TBC1D22A: variants seen among roughly 807,000 people sequenced by gnomAD.
TBC1D22A encodes the protein putative GTPase activator.
TBC1D22A carries 38 observed loss-of-function variants against 60.2 expected under a neutral mutation model. That is an observed-to-expected ratio of 0.63 (90% CI 0.49 to 0.83). TBC1D22A has a LOEUF of 0.83. TBC1D22A is among the 40% of genes least tolerant of loss of function. The pLI, the probability that TBC1D22A is intolerant of heterozygous loss-of-function variation, is 0.00. For synonymous variants in TBC1D22A, 302 were observed against 281.7 expected, an observed-to-expected ratio of 1.07 and a Z score of -0.72; for missense variants, 628 against 701.0, an observed-to-expected ratio of 0.90 and a Z score of 1.18.
chr22:46,920,056 T>TA (rs61175295), intron 8 of TBC1D22A, among the ~76,000 whole-genome samples: 18,348 of 128,774 alleles, frequency 0.14, 2,492 homozygotes, highest in African/African-American at 0.38. Flanking sequence ...TATGTGTTTG[T>TA]TTGTATGTAT....
intron 11 of TBC1D22A, among the ~76,000 whole-genome samples, chr22:47,075,084 A>G (rs1218693609): frequency 2.0e-5 from 3 of 152,104 alleles, no homozygotes; most frequent in Non-Finnish European, 4.4e-5. Flanking sequence ...TTAGCCACGC[A>G]TGTTGGCGGG....
intron 4 of TBC1D22A, among the ~76,000 whole-genome samples, chr22:46,815,167 T>A (rs187973881): frequency 1.3e-5 from 2 of 152,250 alleles, no homozygotes; most frequent in African/African-American, 4.8e-5. Context: ...ATTACTAACC[T>A]GTGAGACACA....
intron 1 of TBC1D22A, among the ~76,000 whole-genome samples, chr22:46,769,467 G>GGT (rs1303160650): frequency 1.3e-5 from 2 of 152,266 alleles, no homozygotes; most frequent in Non-Finnish European, 2.9e-5. Flanking sequence ...GTGCTGGGCA[G>GGT]GTGGCAGTCC....
intron 8 of TBC1D22A, among the ~76,000 whole-genome samples, chr22:46,936,857 C>T (rs2071686229): frequency 6.6e-6 from 1 of 152,200 alleles, no homozygotes; most frequent in Non-Finnish European, 1.5e-5. Context: ...AAAAACAAAA[C>T]TACTCACCAA....
chr22:46,913,053 T>G (rs112370377), intron 8 of TBC1D22A, among the ~76,000 whole-genome samples: 13,080 of 152,230 alleles, frequency 0.086, 1,049 homozygotes, highest in African/African-American at 0.21. Flanking sequence ...GTGTTTTAGG[T>G]TGGGCTGTGT....
chr22:47,060,592 A>C (rs1334167868), intron 11 of TBC1D22A, among the ~76,000 whole-genome samples: 1 of 151,890 alleles, frequency 6.6e-6, no homozygotes, highest in Non-Finnish European at 1.5e-5. Context: ...CACCACGCCC[A>C]CCTAATTTTT....
At chr22:47,072,298 G>A (rs1473902202) in intron 11 of TBC1D22A, among the ~76,000 whole-genome samples, 1 of 152,192 alleles carries the variant, frequency 6.6e-6, no homozygotes. Context: ...ACTCGTCCAG[G>A]CCACAGCTTC....
chr22:47,076,433 A>G (rs1329471920), intron 11 of TBC1D22A, among the ~76,000 whole-genome samples: 1 of 148,714 alleles, frequency 6.7e-6, no homozygotes, highest in East Asian at 2.0e-4. Context: ...ATGTTTTCCC[A>G]TGGTGCATTT....
chr22:47,150,601 G>A (rs1011319359), intron 12 of TBC1D22A, among the ~76,000 whole-genome samples: 10 of 152,194 alleles, frequency 6.6e-5, no homozygotes, highest in African/African-American at 2.2e-4. Context: ...CCTTCTCGCC[G>A]AGCTGTCTGC....
intron 8 of TBC1D22A, among the ~76,000 whole-genome samples, chr22:46,950,260 G>T (rs1401793777): frequency 6.6e-6 from 1 of 152,154 alleles, no homozygotes; most frequent in African/African-American, 2.4e-5. Flanking sequence ...TGGCTCCAAG[G>T]TTTATGCCTC....
chr22:46,906,051 C>G (rs767594250), intron 7 of TBC1D22A, among the ~76,000 whole-genome samples: 1 of 152,006 alleles, frequency 6.6e-6, no homozygotes, highest in South Asian at 2.1e-4. Context: ...CAGCCACGTG[C>G]GGGGCGCCTG....
chr22:46,963,403 C>T (rs1423450991), intron 8 of TBC1D22A, among the ~76,000 whole-genome samples: 1 of 152,200 alleles, frequency 6.6e-6, no homozygotes, highest in Non-Finnish European at 1.5e-5. Context: ...CCCAGGGAGC[C>T]TTCAGAGAGC....
At chr22:46,847,984 T>C (rs1362824182) in intron 4 of TBC1D22A, among the ~76,000 whole-genome samples, 1 of 150,514 alleles carries the variant, frequency 6.6e-6, no homozygotes, top group African/African-American at 2.5e-5. Flanking sequence ...ACACAGTAAA[T>C]ACCCGGAGGG....
rs1185931339 is a variant in TBC1D22A at position 46,777,759 on chromosome 22, T to C, written c.63-14761T>C. ...AGAGAGGGGAAATGGGCCTCGGTGA[T>C]GGCTGGCTGCCAGGGTGGCGGAGCC... On this transcript the variant is annotated intron_variant, in intron 1 of 12. Coordinates refer to ENST00000337137, the MANE Select transcript of TBC1D22A (RefSeq NM_014346.5). This position sits in a 1 kb window ranked among gnomAD's most constrained non-coding sequence, Gnocchi z 4.5. Among the ~76,000 whole-genome samples the C allele has an allele frequency of 2.0e-5, 3 of 152,174 alleles. No homozygotes were observed. The highest frequency in any genetic ancestry group is 1.3e-4 in the Admixed American group (2 of 15,282).
chr22:47,105,088 C>G (rs916593052), intron 11 of TBC1D22A, among the ~76,000 whole-genome samples: 1 of 152,060 alleles, frequency 6.6e-6, no homozygotes, highest in African/African-American at 2.4e-5. Context: ...CATGGTCACT[C>G]ATATTTGGCT....
intron 8 of TBC1D22A, among the ~76,000 whole-genome samples, chr22:46,930,035 G>A (rs999321141): frequency 6.6e-6 from 1 of 152,142 alleles, no homozygotes; most frequent in Non-Finnish European, 1.5e-5. Flanking sequence ...TGCAGAGGAC[G>A]ATGTTAGCAT....
intron 7 of TBC1D22A, among the ~76,000 whole-genome samples, chr22:46,895,756 C>T (rs147348531): frequency 1.6e-3 from 246 of 152,322 alleles, no homozygotes; most frequent in African/African-American, 5.7e-3. Flanking sequence ...CACTCTCCTT[C>T]GTCTTCTTCC....
intron 8 of TBC1D22A, among the ~76,000 whole-genome samples, chr22:46,959,523 G>T (rs1178375380): frequency 1.3e-5 from 2 of 152,188 alleles, no homozygotes; most frequent in African/African-American, 4.8e-5. Flanking sequence ...GGCCTGCTGG[G>T]AGTCAGGCTG....
At chr22:47,103,122 C>T (rs1485197701) in intron 11 of TBC1D22A, among the ~76,000 whole-genome samples, 2 of 152,218 alleles carry the variant, frequency 1.3e-5, no homozygotes, top group African/African-American at 2.4e-5. Context: ...TGCACCCAGC[C>T]TGTCCCTTTC....
Sources: gnomAD v4.1 joint callset for allele counts (sites outside exome capture counted in the v4.1 genomes callset) on GRCh38, gnomAD v4.1.1 for gene constraint, Gnocchi (gnomAD v3.1) non-coding constraint, MANE v1.5 for transcripts, NCBI Gene and HGNC (gene_info 2026-07-23, HGNC 2026-07-21) for gene names.